The following AP3B1 variants were observed in gnomAD, a reference collection of about 807,000 sequenced individuals.
AP3B1 encodes the protein AP-3 complex subunit beta-1.
Under a neutral mutation model 132.5 loss-of-function variants are expected in AP3B1, and 61 were observed. The ratio of observed to expected loss-of-function variants is 0.46; its 90% CI spans 0.37 to 0.57. The LOEUF is 0.57. Among genes scored for constraint, AP3B1 ranks in the 20% least tolerant of loss-of-function variants. AP3B1 has a pLI of 0.00. For missense variants in AP3B1, 1,120 were observed against 1,289.4 expected (o/e 0.87, Z 2.01); for synonymous variants, 388 against 438.3 (o/e 0.89, Z 1.43).
chr5:78,079,107 G>A (rs1304225094), intron 22 of AP3B1, among the ~76,000 whole-genome samples: 1 of 152,122 alleles, frequency 6.6e-6, no homozygotes, highest in African/African-American at 2.4e-5. Context: ...CTTTGCCAAA[G>A]GCAAATCCTG....
At chr5:78,251,171 T>C (rs1747616360) in intron 2 of AP3B1, among the ~76,000 whole-genome samples, 1 of 152,190 alleles carries the variant, frequency 6.6e-6, no homozygotes, top group African/African-American at 2.4e-5. Context: ...TCTTGAATAT[T>C]TTCTTTTTCC....
intron 1 of AP3B1, among the ~76,000 whole-genome samples, chr5:78,284,077 T>A (rs751092027): frequency 2.6e-5 from 4 of 152,220 alleles, no homozygotes; most frequent in African/African-American, 4.8e-5. Context: ...CAGTATCCAA[T>A]AGAATGTTCT....
At chr5:78,053,862 A>C (rs1209317973) in intron 22 of AP3B1, among the ~76,000 whole-genome samples, 1 of 151,806 alleles carries the variant, frequency 6.6e-6, no homozygotes. Context: ...TGCTACACAA[A>C]ATAATTCTCT....
intron 6 of AP3B1, among the ~76,000 whole-genome samples, chr5:78,217,591 G>A (rs2112479045): frequency 6.6e-6 from 1 of 152,110 alleles, no homozygotes; most frequent in East Asian, 1.9e-4. Flanking sequence ...TTCTGCAAAA[G>A]ACATAATTTC....
rs200691255 is a variant in AP3B1, at chr5:78,141,342, T to C, written c.1474-23A>G. On this transcript the variant is annotated intron_variant, in intron 14 of 26. Transcript: ENST00000255194. Reference sequence around the variant, plus strand: ...AACCTAATATGAGAAGCAGATTACATAGTTAGAAGTAAGTTAATCATACTC... The same window carrying C: ...AACCTAATATGAGAAGCAGATTACACAGTTAGAAGTAAGTTAATCATACTC... The C allele has an allele frequency of 1.3e-5, 21 of 1,596,468 alleles. No individual in the cohort carries two copies. The Admixed American group carries it at 2.2e-4, about 17-fold the overall frequency.
At chr5:78,021,390 G>T (rs1374139263) in intron 24 of AP3B1, among the ~76,000 whole-genome samples, 1 of 152,032 alleles carries the variant, frequency 6.6e-6, no homozygotes, top group Non-Finnish European at 1.5e-5. Flanking sequence ...TCAAATGACA[G>T]GATATGAAGA....
At chr5:78,099,893 G>A (rs1445448886) in intron 21 of AP3B1, among the ~76,000 whole-genome samples, 1 of 151,926 alleles carries the variant, frequency 6.6e-6, no homozygotes, top group Admixed American at 6.6e-5. Context: ...CGTCTCGGGG[G>A]GCGGGGAAGA....
At chr5:78,180,561 AGATAATGGTTTG>A (rs1363584864) in intron 8 of AP3B1, among the ~76,000 whole-genome samples, 1 of 152,066 alleles carries the variant, frequency 6.6e-6, no homozygotes, top group Non-Finnish European at 1.5e-5. Context: ...GCAATGCATT[AGATAATGGTTTG>A]GATAAATCAT....
At chr5:78,064,971 T>C (rs1749217400) in intron 22 of AP3B1, among the ~76,000 whole-genome samples, 1 of 151,164 alleles carries the variant, frequency 6.6e-6, no homozygotes, top group Non-Finnish European at 1.5e-5. Context: ...AGAATGAAAA[T>C]GGTGAGTGAA....
intron 7 of AP3B1, among the ~76,000 whole-genome samples, chr5:78,195,145 T>C (rs1745028453): frequency 6.6e-6 from 1 of 152,080 alleles, no homozygotes; most frequent in African/African-American, 2.4e-5. Context: ...AAAGATAATG[T>C]TTTATAAATA....
At chr5:78,268,034 T>C (rs575112564) in intron 1 of AP3B1, among the ~76,000 whole-genome samples, 226 of 152,296 alleles carry the variant, frequency 1.5e-3, no homozygotes, top group African/African-American at 5.2e-3. Flanking sequence ...TGGTGACCAG[T>C]AGAGAAGACA....
At chr5:78,102,435 A>G (rs1157710182) in intron 20 of AP3B1, among the ~76,000 whole-genome samples, 2 of 152,110 alleles carry the variant, frequency 1.3e-5, no homozygotes, top group Non-Finnish European at 1.5e-5. Context: ...CACATCATCT[A>G]GTTGTTTTAA....
At chr5:78,030,202 A>C (rs1033615366) in intron 24 of AP3B1, among the ~76,000 whole-genome samples, 1 of 151,984 alleles carries the variant, frequency 6.6e-6, no homozygotes. Flanking sequence ...CACAGGTGCA[A>C]TCATCGCGCA....
intron 26 of AP3B1, among the ~76,000 whole-genome samples, chr5:78,010,242 A>G (rs1746563253): frequency 6.6e-6 from 1 of 152,230 alleles, no homozygotes; most frequent in Non-Finnish European, 1.5e-5. Context: ...TAAAACATAT[A>G]AACATAGGAA....
intron 2 of AP3B1, among the ~76,000 whole-genome samples, chr5:78,262,949 C>T (rs1378588463): frequency 2.0e-5 from 3 of 152,130 alleles, no homozygotes; most frequent in East Asian, 1.9e-4. Flanking sequence ...GGATTACAAG[C>T]GTGAGCCACT....
intron 3 of AP3B1, among the ~76,000 whole-genome samples, chr5:78,232,013 T>C (rs957972396): frequency 1.3e-5 from 2 of 152,204 alleles, no homozygotes; most frequent in South Asian, 4.1e-4. Flanking sequence ...TGTGTGATGG[T>C]ATTAACCAGT....
chr5:78,038,424 T>G (rs1233052675), intron 23 of AP3B1, among the ~76,000 whole-genome samples: 2 of 152,104 alleles, frequency 1.3e-5, no homozygotes, highest in Non-Finnish European at 2.9e-5. Context: ...ACACATAAAA[T>G]ACACTAACCC....
chr5:78,125,103 A>G (rs1204490016), intron 17 of AP3B1, among the ~76,000 whole-genome samples: 1 of 152,226 alleles, frequency 6.6e-6, no homozygotes, highest in African/African-American at 2.4e-5. Context: ...GTTTCTGTAA[A>G]GGATAAAATA....
At chr5:78,289,222 T>C (rs1223754513) in intron 1 of AP3B1, among the ~76,000 whole-genome samples, 1 of 152,204 alleles carries the variant, frequency 6.6e-6, no homozygotes, top group Non-Finnish European at 1.5e-5. Context: ...GTTGCTATAA[T>C]TGCGTACAAA....
Sources: gnomAD v4.1 joint callset for allele counts (sites outside exome capture counted in the v4.1 genomes callset) on GRCh38, gnomAD v4.1.1 for gene constraint, MANE v1.5 for transcripts, NCBI Gene and HGNC (gene_info 2026-07-23, HGNC 2026-07-21) for gene names.